The following PAMR1 variants were observed in gnomAD, a reference collection of about 807,000 sequenced individuals.
The protein encoded by PAMR1 is peptidase domain containing associated with muscle regeneration 1.
PAMR1 carries 88 observed loss-of-function variants against 81.8 expected under a neutral mutation model. That is an observed-to-expected ratio of 1.08 (90% CI 0.91 to 1.28). The LOEUF (loss-of-function observed/expected upper bound fraction) is 1.28, where lower values mean the gene tolerates loss of function less well. Among genes scored for constraint, PAMR1 ranks in the 50% most tolerant of loss-of-function variants. PAMR1 has a pLI of 0.00. For missense variants in PAMR1, 935 were observed against 919.7 expected (o/e 1.02, Z -0.21); for synonymous variants, 336 against 345.3 (o/e 0.97, Z 0.30).
chr11:35,510,183 T>C (rs145954049), intron 1 of PAMR1, among the ~76,000 whole-genome samples: 41 of 152,300 alleles, frequency 2.7e-4, no homozygotes, highest in Admixed American at 7.8e-4. Flanking sequence ...GAAGAAGGTA[T>C]AGAAATTCCC....
chr11:35,495,531 A>G (rs1025030550), intron 1 of PAMR1, among the ~76,000 whole-genome samples: 2 of 152,122 alleles, frequency 1.3e-5, no homozygotes, highest in Admixed American at 6.5e-5. Context: ...CCCACTCTCT[A>G]TTTCTAAAAA....
At chr11:35,486,892 C>T (rs146268879) in intron 3 of PAMR1, among the ~76,000 whole-genome samples, 5 of 152,300 alleles carry the variant, frequency 3.3e-5, no homozygotes, top group Non-Finnish European at 7.4e-5. Context: ...TTATCCACCC[C>T]TCTTCCTTTG....
Position 35,441,410 on chromosome 11 carries a change from T to C in PAMR1, c.1033+71A>G, listed in dbSNP as rs1438237689. On this transcript the variant is annotated intron_variant, in intron 7 of 10. Transcript: ENST00000619888. ...GCATTTTTCCAGGGGCTTAAAAACA[T>C]GCAAAGGAGCTACCAAAAAGTCTAG... 3.3e-5 allele frequency: 36 copies of C among 1,098,350 alleles called. 2 individuals carry two copies. The highest frequency in any genetic ancestry group is 2.9e-4 in the Middle Eastern group (1 of 3,394). The allele number at this position is 1,098,350 out of a possible 1,614,324, so 68.0% of individuals were successfully genotyped here.
In PAMR1 at chr11:35,468,123, G is replaced by A; in HGVS notation, c.713-15C>T. The A allele has an allele frequency of 1.0e-5, 15 of 1,491,992 alleles. 1 individual carries two copies. In the South Asian group the frequency reaches 1.6e-4, roughly 16 times the overall value. 92.4% of individuals were successfully genotyped at this position (1,491,992 alleles called of 1,614,324 possible). On this transcript the variant is annotated splice_polypyrimidine_tract_variant and intron_variant, in intron 5 of 10. Transcript: ENST00000619888. ...TGAGGAGCATGCTGTAAGAGAAAAG[G>A]CATCCTTCAGTGCCACTATACATTG...
chr11:35,451,653 T>C (rs774781073), intron 6 of PAMR1, among the ~76,000 whole-genome samples: 7 of 152,176 alleles, frequency 4.6e-5, no homozygotes, highest in Non-Finnish European at 1.0e-4. Flanking sequence ...TAGGATCCAA[T>C]AGAAGGTACA....
intron 1 of PAMR1, among the ~76,000 whole-genome samples, chr11:35,498,817 C>T (rs1003077064): frequency 4.6e-5 from 7 of 152,216 alleles, no homozygotes; most frequent in Admixed American, 1.3e-4. Flanking sequence ...ACGTAAATGA[C>T]GCCTGTTCAG....
intron 4 of PAMR1, among the ~76,000 whole-genome samples, chr11:35,474,010 C>T (rs1015231978): frequency 2.0e-5 from 3 of 152,226 alleles, no homozygotes; most frequent in African/African-American, 7.2e-5. Flanking sequence ...ACTGTTCCAG[C>T]ACTATGATGC....
At chr11:35,455,759 G>A (rs1856515505) in intron 6 of PAMR1, among the ~76,000 whole-genome samples, 1 of 152,044 alleles carries the variant, frequency 6.6e-6, no homozygotes, top group South Asian at 2.1e-4. Context: ...AGCTGAATAA[G>A]CCATTAGAAG....
intron 6 of PAMR1, among the ~76,000 whole-genome samples, chr11:35,466,867 T>C (rs949608065): frequency 2.6e-5 from 4 of 151,892 alleles, no homozygotes; most frequent in Non-Finnish European, 4.4e-5. Flanking sequence ...CTGTAGTAGA[T>C]ATTGTTGGTG....
intron 1 of PAMR1, among the ~76,000 whole-genome samples, chr11:35,522,502 C>A (rs1428323749): frequency 6.6e-6 from 1 of 152,178 alleles, no homozygotes; most frequent in African/African-American, 2.4e-5. Flanking sequence ...TCTTAAGGTT[C>A]ATCTGTGTTA....
intron 3 of PAMR1, among the ~76,000 whole-genome samples, chr11:35,488,568 T>G (rs1484536325): frequency 1.4e-5 from 2 of 138,426 alleles, no homozygotes; most frequent in East Asian, 4.2e-4. Flanking sequence ...TTTACTCATA[T>G]AAACTATCAC....
intron 2 of PAMR1, 37 bp downstream of exon 2, chr11:35,494,059 C>T: frequency 1.3e-6 from 2 of 1,577,018 alleles, no homozygotes; most frequent in Non-Finnish European, 1.7e-6. Flanking sequence ...CCTCCAACAA[C>T]ATGAAGGCAA....
intron 6 of PAMR1, among the ~76,000 whole-genome samples, chr11:35,447,312 C>T (rs1479018952): frequency 6.6e-6 from 1 of 150,960 alleles, no homozygotes; most frequent in Non-Finnish European, 1.5e-5. Context: ...ATGCCATTCT[C>T]CTGTCTCAGC....
chr11:35,460,325 T>A (rs112941401), intron 6 of PAMR1, among the ~76,000 whole-genome samples: 2,407 of 152,130 alleles, frequency 0.016, 24 homozygotes, highest in African/African-American at 0.03. Context: ...TTTTTTTTTT[T>A]TATATACTTT....
At chr11:35,476,934 G>A (rs765500809) in intron 3 of PAMR1, among the ~76,000 whole-genome samples, 5 of 151,944 alleles carry the variant, frequency 3.3e-5, no homozygotes, top group Admixed American at 1.3e-4. Context: ...AACCTAGAAG[G>A]CTCATCTTCT....
At chr11:35,489,435 T>C (rs1850575792) in intron 3 of PAMR1, among the ~76,000 whole-genome samples, 1 of 152,186 alleles carries the variant, frequency 6.6e-6, no homozygotes, top group Non-Finnish European at 1.5e-5. Context: ...GTCTCCCTTC[T>C]TCATCCCCTG....
intron 3 of PAMR1, among the ~76,000 whole-genome samples, chr11:35,482,940 G>C (rs1013984994): frequency 6.6e-6 from 1 of 151,930 alleles, no homozygotes; most frequent in Non-Finnish European, 1.5e-5. Flanking sequence ...CAATCTTTTA[G>C]TGCATTTATT....
chr11:35,458,422 T>C lies in PAMR1; in HGVS notation c.820+9579A>G, dbSNP rs544670621. Among the ~76,000 whole-genome samples, 41 of 152,350 alleles carry C rather than the reference T, an allele frequency of 2.7e-4. 1 individual carries two copies. The South Asian group carries it at 8.5e-3, about 32-fold the overall frequency. On this transcript the variant is annotated intron_variant, in intron 6 of 10. Coordinates refer to ENST00000619888, the MANE Select transcript of PAMR1 (RefSeq NM_001001991.3). The stretch of plus-strand genomic sequence containing the variant: ...TTGCAGTGATTTACAAAACTATACA[T>C]ACAAAACATGTATTTCTTTTTTTGC...
At chr11:35,519,855 T>A (rs1311399542) in intron 1 of PAMR1, among the ~76,000 whole-genome samples, 1 of 152,330 alleles carries the variant, frequency 6.6e-6, no homozygotes, top group African/African-American at 2.4e-5. Flanking sequence ...TACTGCTTAC[T>A]GTGGTGGTGG....
Sources: allele counts gnomAD v4.1 joint callset (sites outside exome capture counted in the v4.1 genomes callset), GRCh38; gene constraint gnomAD v4.1.1; transcripts MANE v1.5; gene names NCBI Gene and HGNC (gene_info 2026-07-23, HGNC 2026-07-21).